Variants in CACNA1C observed in about 807,000 individuals in gnomAD.
CACNA1C encodes the protein voltage-dependent L-type calcium channel subunit alpha-1C.
CACNA1C carries 30 observed loss-of-function variants against 229.0 expected under a neutral mutation model. The observed-to-expected ratio is 0.13, with a 90% CI of 0.10 to 0.18. The LOEUF (loss-of-function observed/expected upper bound fraction) is 0.18, where lower values mean the gene tolerates loss of function less well. CACNA1C is among the 10% of genes least tolerant of loss of function. CACNA1C has a pLI of 1.00. For missense variants in CACNA1C, 1,658 were observed against 2,845.0 expected (o/e 0.58, Z 9.49); for synonymous variants, 1,114 against 1,132.5 (o/e 0.98, Z 0.33).
chr12:2,424,251 G>A (rs2099006978), intron 3 of CACNA1C, among the ~76,000 whole-genome samples: 1 of 152,148 alleles, frequency 6.6e-6, no homozygotes, highest in Admixed American at 6.6e-5. Context: ...CTCAGTGAAG[G>A]CATTCAGAAT....
intron 3 of CACNA1C, among the ~76,000 whole-genome samples, chr12:2,364,452 G>A (rs1053218187): frequency 2.0e-5 from 3 of 152,134 alleles, no homozygotes; most frequent in South Asian, 2.1e-4. Flanking sequence ...CCGGTGTGGC[G>A]GCCCAGTGCA....
At chr12:2,358,444 T>C (rs1296980786) in intron 3 of CACNA1C, among the ~76,000 whole-genome samples, 1 of 152,180 alleles carries the variant, frequency 6.6e-6, no homozygotes, top group African/African-American at 2.4e-5. Flanking sequence ...ACCAAGAGAT[T>C]GAGGCTAAGA....
At chr12:2,223,955 A>C (rs1489902619) in intron 3 of CACNA1C, among the ~76,000 whole-genome samples, 2 of 152,226 alleles carry the variant, frequency 1.3e-5, no homozygotes, top group Non-Finnish European at 2.9e-5. Flanking sequence ...GATGCATCTC[A>C]TAAAAGGTGC....
rs756376316 is a variant in CACNA1C, at chr12:2,633,544, G to A, written c.3829-753G>A. On this transcript the variant is annotated intron_variant, in intron 29 of 46. Transcript: ENST00000399655. The surrounding 1 kb of genome is among the most constrained non-coding windows in gnomAD (Gnocchi z 5.8). Reference sequence around the variant, plus strand: ...AGAGGCAACACGGAGGTGCCTGGACGATGATTCTGATGGTGGTGTTGCTCT... The same window carrying A: ...AGAGGCAACACGGAGGTGCCTGGACAATGATTCTGATGGTGGTGTTGCTCT... The A allele has an allele frequency of 1.9e-4, 157 of 837,674 alleles. No homozygotes were observed. Among genetic ancestry groups the A allele is most frequent in the Non-Finnish European group, 2.9e-4 (142 of 484,366 alleles). 51.9% of individuals were successfully genotyped at this position (837,674 alleles called of 1,614,324 possible).
intron 43 of CACNA1C, among the ~76,000 whole-genome samples, chr12:2,682,879 CCACACA>C (rs71951718): frequency 1.2e-4 from 4 of 34,136 alleles, no homozygotes; most frequent in East Asian, 1.1e-3. Flanking sequence ...CACACACACA[CCACACA>C]CACACACAGA....
At chr12:2,267,997 T>C (rs1368782937) in intron 3 of CACNA1C, among the ~76,000 whole-genome samples, 1 of 152,186 alleles carries the variant, frequency 6.6e-6, no homozygotes, top group East Asian at 1.9e-4. Context: ...TGTGTGTTTT[T>C]CCCCCTGTTG....
rs140948029 is a variant in CACNA1C, at chr12:2,668,097, C to G, written c.4624-836C>G. On this transcript the variant is annotated intron_variant, in intron 37 of 46. Coordinates refer to ENST00000399655, the MANE Select transcript of CACNA1C (RefSeq NM_000719.7). Reference sequence around the variant, plus strand: ...TACACAGAGAGGACATGTAGCATCTCCTGCAGGCAAAGCTCCTGTGATCCT... The same window carrying G: ...TACACAGAGAGGACATGTAGCATCTGCTGCAGGCAAAGCTCCTGTGATCCT... Among the ~76,000 whole-genome samples, 366 of 150,720 alleles carry G rather than the reference C, an allele frequency of 2.4e-3. 5 individuals carry two copies. The highest frequency in any genetic ancestry group is 8.6e-3 in the African/African-American group (357 of 41,398).
intron 1 of CACNA1C, chr12:1,992,132 C>A: frequency 3.9e-6 from 1 of 259,628 alleles, no homozygotes; most frequent in South Asian, 4.4e-5. Flanking sequence ...TACCTTTCGG[C>A]AAAGAAACAT....
chr12:2,265,340 C>A (rs2081968373), intron 3 of CACNA1C, among the ~76,000 whole-genome samples: 2 of 152,226 alleles, frequency 1.3e-5, no homozygotes, highest in South Asian at 4.1e-4. Flanking sequence ...ACTCCTGTTT[C>A]AGGGACAAAA....
At chr12:2,222,109 A>G (rs1042726128) in intron 3 of CACNA1C, 21 of 152,338 alleles carry the variant, frequency 1.4e-4, no homozygotes, top group African/African-American at 4.8e-4. Flanking sequence ...TTCATTCTCT[A>G]TTTATGATTC....
intron 3 of CACNA1C, among the ~76,000 whole-genome samples, chr12:2,282,450 G>T (rs770167391): frequency 5.3e-5 from 8 of 152,182 alleles, no homozygotes; most frequent in Non-Finnish European, 8.8e-5. Context: ...GAGTGAGACA[G>T]GAACAGCAGC....
chr12:2,691,004 G>GGAGAGCGCGGCCGACAACATC lies in CACNA1C; in HGVS notation c.6223_6243dup (p.Glu2075_Ile2081dup). ...CCTGCGACATGACCATAGAGGAGAT[G>GGAGAGCGCGGCCGACAACATC]GAGAGCGCGGCCGACAACATCCTCA... is the stretch of plus-strand genomic sequence containing the variant. On this transcript the variant is annotated inframe_insertion, in exon 47 of 47. Coordinates refer to ENST00000399655, the MANE Select transcript of CACNA1C (RefSeq NM_000719.7). 3 of 1,600,192 alleles carry GGAGAGCGCGGCCGACAACATC rather than the reference G, an allele frequency of 1.9e-6. No individual in the cohort carries two copies. Among genetic ancestry groups the GGAGAGCGCGGCCGACAACATC allele is most frequent in the Non-Finnish European group, 2.6e-6 (3 of 1,173,490 alleles).
intron 34 of CACNA1C, among the ~76,000 whole-genome samples, chr12:2,658,543 T>C (rs1388553058): frequency 6.6e-6 from 1 of 152,188 alleles, no homozygotes; most frequent in Non-Finnish European, 1.5e-5. Context: ...TATTTGATAA[T>C]GAGAATAAAT....
Position 2,666,828 on chromosome 12 carries a change from A to G in CACNA1C, c.4623+46A>G, listed in dbSNP as rs2153713769. The G allele has an allele frequency of 1.8e-6, 2 of 1,113,814 alleles. No individual in the cohort carries two copies. Among genetic ancestry groups the G allele is most frequent in the Non-Finnish European group, 2.7e-6 (2 of 747,378 alleles). The allele number at this position is 1,113,814 out of a possible 1,614,324, so 69.0% of individuals were successfully genotyped here. ...TGGGAGGGAGAGGGAAAATAGGGGA[A>G]GTGAAGTGCCCATTTCTTGTGATCC... On this transcript the variant is annotated intron_variant, in intron 37 of 46. Transcript: ENST00000399655. This position sits in a 1 kb window ranked among gnomAD's most constrained non-coding sequence, Gnocchi z 5.3.
chr12:2,325,830 C>A (rs541829185), intron 3 of CACNA1C, among the ~76,000 whole-genome samples: 2 of 152,228 alleles, frequency 1.3e-5, no homozygotes, highest in South Asian at 4.1e-4. Flanking sequence ...ACGAGCTCTG[C>A]GGACAGCAGG....
At chr12:2,640,611 G>C (rs1223178728) in intron 30 of CACNA1C, among the ~76,000 whole-genome samples, 1 of 152,208 alleles carries the variant, frequency 6.6e-6, no homozygotes, top group Admixed American at 6.5e-5. Flanking sequence ...GGAGGAGGGG[G>C]GCCAGAAGGA....
rs981806035 is a variant in CACNA1C, at chr12:2,152,709, C to T, written c.477+32279C>T. The stretch of plus-strand genomic sequence containing the variant: ...TAAAAATTAAGAAATAAAAATAAAA[C>T]AACAGATAGCACTTGGATAAGTTGG... On this transcript the variant is annotated intron_variant, in intron 3 of 46. Coordinates refer to ENST00000399655, the MANE Select transcript of CACNA1C (RefSeq NM_000719.7). The surrounding 1 kb of genome is among the most constrained non-coding windows in gnomAD (Gnocchi z 4.2). 3.9e-5 allele frequency among the ~76,000 whole-genome samples: 6 copies of T among 152,156 alleles called. No individual in the cohort carries two copies. Among genetic ancestry groups the T allele is most frequent in the African/African-American group, 1.2e-4 (5 of 41,432 alleles).
At chr12:2,540,124 A>T (rs773341393) in intron 9 of CACNA1C, among the ~76,000 whole-genome samples, 16 of 152,176 alleles carry the variant, frequency 1.1e-4, no homozygotes, top group Non-Finnish European at 1.9e-4. Context: ...GGGTCCACCC[A>T]CGGACGTCCT....
rs1318476812 is a variant in CACNA1C, at chr12:2,575,916, AGAG to A, written c.1896-5668_1896-5666del. 6.6e-6 allele frequency among the ~76,000 whole-genome samples: 1 copy of A among 152,222 alleles called. No individual in the cohort carries two copies. Among genetic ancestry groups the A allele is most frequent in the African/African-American group, 2.4e-5 (1 of 41,454 alleles). ...GGCTCGGGTCACTTTATATTATAGA[AGAG>A]GAGGAAGAATTCCACAGAGCCCCAA... On this transcript the variant is annotated intron_variant, in intron 13 of 46. Coordinates refer to ENST00000399655, the MANE Select transcript of CACNA1C (RefSeq NM_000719.7). The surrounding 1 kb of genome is among the most constrained non-coding windows in gnomAD (Gnocchi z 4.0).
Sources: allele counts gnomAD v4.1 joint callset (sites outside exome capture counted in the v4.1 genomes callset), GRCh38; gene constraint gnomAD v4.1.1; non-coding constraint Gnocchi (gnomAD v3.1); transcripts MANE v1.5; gene names NCBI Gene and HGNC (gene_info 2026-07-23, HGNC 2026-07-21).